DOCK3: variants seen among roughly 807,000 people sequenced by gnomAD.
DOCK3 encodes dedicator of cytokinesis 3, also known as dedicator of cytokinesis protein 3.
Under a neutral mutation model 265.6 loss-of-function variants are expected in DOCK3, and 60 were observed. The observed-to-expected ratio is 0.23, with a 90% CI of 0.18 to 0.28. The LOEUF is 0.28. Ranked by LOEUF, DOCK3 falls within the 10% of genes least tolerant of loss-of-function variation. DOCK3 has a pLI of 1.00. For missense variants in DOCK3, 1,981 were observed against 2,594.3 expected (o/e 0.76, Z 5.14); for synonymous variants, 881 against 938.0 (o/e 0.94, Z 1.11).
chr3:51,339,709 T>C (rs2085110737), intron 37 of DOCK3, among the ~76,000 whole-genome samples: 1 of 152,230 alleles, frequency 6.6e-6, no homozygotes, highest in African/African-American at 2.4e-5. Context: ...GTTACGTGCA[T>C]GCATGTGTGT....
chr3:50,922,840 A>G (rs1383983365), intron 4 of DOCK3, among the ~76,000 whole-genome samples: 1 of 150,228 alleles, frequency 6.7e-6, no homozygotes, highest in African/African-American at 2.5e-5. Context: ...TCTAGTGGTG[A>G]TTTGTGAGAT....
At chr3:51,107,361 A>G (rs187190479) in intron 9 of DOCK3, among the ~76,000 whole-genome samples, 4 of 152,346 alleles carry the variant, frequency 2.6e-5, no homozygotes, top group African/African-American at 9.6e-5. Context: ...CTGGGCTGAG[A>G]TGGCTGAAAT....
chr3:50,759,116 G>A (rs1056751166), intron 1 of DOCK3, among the ~76,000 whole-genome samples: 6 of 152,026 alleles, frequency 3.9e-5, no homozygotes, highest in Admixed American at 2.0e-4. Context: ...GGATATATAC[G>A]CAGAAGTGGA....
At chr3:51,266,727 C>A (rs1381508946) in intron 23 of DOCK3, among the ~76,000 whole-genome samples, 5 of 152,108 alleles carry the variant, frequency 3.3e-5, no homozygotes, top group African/African-American at 1.2e-4. Context: ...AACAACCCTA[C>A]AAGAAAATCT....
intron 1 of DOCK3, among the ~76,000 whole-genome samples, chr3:50,730,913 G>C (rs962808961): frequency 6.6e-6 from 1 of 151,852 alleles, no homozygotes; most frequent in Admixed American, 6.6e-5. Context: ...GGTGGATCAC[G>C]AGGCCAGGAG....
intron 21 of DOCK3, among the ~76,000 whole-genome samples, chr3:51,239,517 A>G (rs930975527): frequency 6.8e-6 from 1 of 146,618 alleles, no homozygotes; most frequent in Non-Finnish European, 1.5e-5. Context: ...TTCTTTGTGC[A>G]TTTGGTACAA....
At chr3:51,174,845 G>C (rs1367270107) in intron 12 of DOCK3, among the ~76,000 whole-genome samples, 1 of 152,208 alleles carries the variant, frequency 6.6e-6, no homozygotes, top group African/African-American at 2.4e-5. Flanking sequence ...TATGACTTCT[G>C]TTGGTTTCAC....
Position 51,153,472 on chromosome 3 carries a change from G to A in DOCK3, c.829-5772G>A, listed in dbSNP as rs28418687. Among the ~76,000 whole-genome samples the A allele has an allele frequency of 2.5e-3, 380 of 152,258 alleles. 1 individual carries two copies. Among genetic ancestry groups the A allele is most frequent in the African/African-American group, 8.8e-3 (365 of 41,532 alleles). On this transcript the variant is annotated intron_variant, in intron 10 of 52. Coordinates refer to ENST00000266037, the MANE Select transcript of DOCK3 (RefSeq NM_004947.5). ...ACCCATTGCACTTCCCAGGTGAAGC[G>A]ATGCCCCACACTGCTTCGGCTTGCC...
intron 50 of DOCK3, among the ~76,000 whole-genome samples, chr3:51,375,332 C>A (rs1406036901): frequency 6.6e-6 from 1 of 152,222 alleles, no homozygotes; most frequent in South Asian, 2.1e-4. Flanking sequence ...TGATACTGTC[C>A]TTTCCTCTGC....
intron 9 of DOCK3, among the ~76,000 whole-genome samples, chr3:51,092,149 C>T (rs2082661894): frequency 1.3e-5 from 2 of 152,122 alleles, no homozygotes; most frequent in African/African-American, 4.8e-5. Context: ...CCTGGAACGC[C>T]AGTGATACAG....
At chr3:51,219,830 T>A (rs2089985424) in intron 14 of DOCK3, among the ~76,000 whole-genome samples, 1 of 152,186 alleles carries the variant, frequency 6.6e-6, no homozygotes, top group Admixed American at 6.5e-5. Context: ...TATGGCAGTG[T>A]ATCTAAGGGA....
intron 13 of DOCK3, 123 bp from the exon 14 acceptor site, chr3:51,213,999 A>C: frequency 1.5e-6 from 2 of 1,336,770 alleles, no homozygotes; most frequent in Non-Finnish European, 2.1e-6. Context: ...TCTGCATAAA[A>C]GTTTTTCTCA....
chr3:51,251,364 A>G (rs1006827615), intron 22 of DOCK3, among the ~76,000 whole-genome samples: 2 of 152,212 alleles, frequency 1.3e-5, no homozygotes, highest in African/African-American at 4.8e-5. Context: ...CATGATTTAT[A>G]ATCCTTTGGG....
intron 4 of DOCK3, chr3:50,901,698 C>T (rs2049206679): frequency 2.2e-6 from 1 of 453,942 alleles, no homozygotes; most frequent in Non-Finnish European, 4.4e-6. Flanking sequence ...GGCACAGTCC[C>T]TCATGGCTAC....
intron 5 of DOCK3, among the ~76,000 whole-genome samples, chr3:51,059,649 A>G (rs898010734): frequency 2.0e-5 from 3 of 151,958 alleles, no homozygotes; most frequent in African/African-American, 7.3e-5. Flanking sequence ...TTCCCACTCT[A>G]TTCACTCCCA....
intron 51 of DOCK3, among the ~76,000 whole-genome samples, chr3:51,378,441 A>C (rs2110591843): frequency 6.6e-6 from 1 of 152,276 alleles, no homozygotes; most frequent in East Asian, 1.9e-4. Context: ...GTCAGCTCCC[A>C]TTAGGCCCTG....
intron 4 of DOCK3, among the ~76,000 whole-genome samples, chr3:50,908,634 T>C (rs2049678987): frequency 6.6e-6 from 1 of 152,126 alleles, no homozygotes; most frequent in Admixed American, 6.5e-5. Context: ...GTTTTACTTC[T>C]GATTATGTGA....
chr3:50,693,926 A>C (rs556024645), intron 1 of DOCK3, among the ~76,000 whole-genome samples: 1 of 152,276 alleles, frequency 6.6e-6, no homozygotes, highest in South Asian at 2.1e-4. Context: ...TGCTGAATTC[A>C]TTTATTAGCT....
intron 19 of DOCK3, among the ~76,000 whole-genome samples, chr3:51,230,206 T>C (rs2090487725): frequency 6.6e-6 from 1 of 152,228 alleles, no homozygotes; most frequent in South Asian, 2.1e-4. Flanking sequence ...AGGTTTGAGA[T>C]ACAAATGATC....
Sources: gnomAD v4.1 joint callset for allele counts (sites outside exome capture counted in the v4.1 genomes callset) on GRCh38, gnomAD v4.1.1 for gene constraint, MANE v1.5 for transcripts, NCBI Gene and HGNC (gene_info 2026-07-23, HGNC 2026-07-21) for gene names.